Variants in LRRC4C observed in about 807,000 individuals in gnomAD.
LRRC4C encodes the protein leucine-rich repeat-containing protein 4C.
In LRRC4C, 5 loss-of-function variants were observed where a neutral mutation model predicts 33.6. The observed-to-expected ratio is 0.15, with a 90% CI of 0.08 to 0.31. LRRC4C has a LOEUF of 0.31. Ranked by LOEUF, LRRC4C falls within the 10% of genes least tolerant of loss-of-function variation. The pLI is 1.00. For missense variants in LRRC4C, 560 were observed against 796.7 expected (o/e 0.70, Z 3.58); for synonymous variants, 329 against 302.0 (o/e 1.09, Z -0.93).
At chr11:40,428,712 C>T (rs1372315010) in intron 3 of LRRC4C, among the ~76,000 whole-genome samples, 1 of 152,212 alleles carries the variant, frequency 6.6e-6, no homozygotes, top group African/African-American at 2.4e-5. Flanking sequence ...GCATTCCTCA[C>T]TCTTAGCTCA....
At chr11:40,609,486 C>G (rs542142735) in intron 3 of LRRC4C, among the ~76,000 whole-genome samples, 1 of 151,730 alleles carries the variant, frequency 6.6e-6, no homozygotes, top group African/African-American at 2.4e-5. Context: ...AATTTTGTAC[C>G]TCAACACACT....
chr11:40,544,104 T>A (rs992344727), intron 3 of LRRC4C, among the ~76,000 whole-genome samples: 1 of 152,060 alleles, frequency 6.6e-6, no homozygotes, highest in East Asian at 1.9e-4. Flanking sequence ...AAATAGATTT[T>A]AAAAACATCT....
chr11:41,308,530 A>G (rs985935497), intron 1 of LRRC4C, among the ~76,000 whole-genome samples: 20 of 152,110 alleles, frequency 1.3e-4, no homozygotes, highest in Admixed American at 1.1e-3. Flanking sequence ...ACAGTCAACA[A>G]AACAAAGCAC....
chr11:41,309,767 G>A (rs1490634633), intron 1 of LRRC4C, among the ~76,000 whole-genome samples: 1 of 152,202 alleles, frequency 6.6e-6, no homozygotes, highest in Non-Finnish European at 1.5e-5. Flanking sequence ...ACTTTTAGCA[G>A]ATGAATGCAC....
chr11:40,564,190 T>A (rs78917056), intron 3 of LRRC4C, among the ~76,000 whole-genome samples: 1 of 152,148 alleles, frequency 6.6e-6, no homozygotes, highest in Non-Finnish European at 1.5e-5. Flanking sequence ...TAAAAGACCA[T>A]AGGGAATGGG....
At chr11:41,262,614 T>C (rs1028904970) in intron 1 of LRRC4C, among the ~76,000 whole-genome samples, 4 of 152,110 alleles carry the variant, frequency 2.6e-5, no homozygotes, top group Non-Finnish European at 4.4e-5. Flanking sequence ...CAAGAAAACA[T>C]CTACTCTGTG....
At chr11:41,265,315 G>C (rs534737536) in intron 1 of LRRC4C, among the ~76,000 whole-genome samples, 1 of 152,204 alleles carries the variant, frequency 6.6e-6, no homozygotes, top group South Asian at 2.1e-4. Flanking sequence ...GTACGTTAGA[G>C]TAAACCAAGA....
chr11:40,990,342 C>G (rs1853447697), intron 1 of LRRC4C, among the ~76,000 whole-genome samples: 1 of 142,896 alleles, frequency 7.0e-6, no homozygotes, highest in Non-Finnish European at 1.5e-5. Flanking sequence ...TAACATTTTG[C>G]TTTAAATAGT....
At chr11:40,200,856 C>T (rs200244391) in intron 5 of LRRC4C, among the ~76,000 whole-genome samples, 1 of 149,200 alleles carries the variant, frequency 6.7e-6, no homozygotes, top group East Asian at 2.0e-4. Flanking sequence ...CCTGAATCAA[C>T]ACCACAGAAT....
Position 41,113,310 on chromosome 11 carries a change from T to C in LRRC4C, c.-495-179587A>G, listed in dbSNP as rs1941947232. The stretch of plus-strand genomic sequence containing the variant: ...CCCCTAATAAATATGAATAAGATGA[T>C]TTTACTTCTTTATTTTTCTCCTGCT... On this transcript the variant is annotated intron_variant, in intron 1 of 6. Transcript: ENST00000528697. Among the ~76,000 whole-genome samples the C allele has an allele frequency of 3.3e-5, 5 of 151,970 alleles. No individual in the cohort carries two copies. In the South Asian group the frequency reaches 1.0e-3, roughly 31 times the overall value.
At chr11:40,369,563 C>G (rs999842069) in intron 3 of LRRC4C, among the ~76,000 whole-genome samples, 1 of 152,182 alleles carries the variant, frequency 6.6e-6, no homozygotes, top group Non-Finnish European at 1.5e-5. Context: ...GTCTCGAACT[C>G]CTGACCTCAG....
intron 1 of LRRC4C, among the ~76,000 whole-genome samples, chr11:41,454,861 T>A (rs981378465): frequency 1.3e-5 from 2 of 152,164 alleles, no homozygotes; most frequent in African/African-American, 4.8e-5. Flanking sequence ...GTCTTCCTAT[T>A]CTTAAACTAG....
intron 3 of LRRC4C, among the ~76,000 whole-genome samples, chr11:40,407,675 C>T (rs1950009724): frequency 6.6e-6 from 1 of 152,046 alleles, no homozygotes; most frequent in African/African-American, 2.4e-5. Context: ...AAACCAAAAA[C>T]AGAAACACAA....
At chr11:40,508,765 T>A (rs552452389) in intron 3 of LRRC4C, among the ~76,000 whole-genome samples, 50 of 152,306 alleles carry the variant, frequency 3.3e-4, no homozygotes, top group African/African-American at 1.2e-3. Context: ...GCTGGGATAT[T>A]ATATGAAATA....
intron 2 of LRRC4C, among the ~76,000 whole-genome samples, chr11:40,911,669 A>T (rs985485355): frequency 3.3e-5 from 5 of 152,242 alleles, no homozygotes; most frequent in Admixed American, 3.3e-4. Flanking sequence ...GCGGCTCCTC[A>T]CCAGCAATGG....
chr11:41,118,079 A>G (rs1182212597), intron 1 of LRRC4C, among the ~76,000 whole-genome samples: 1 of 152,172 alleles, frequency 6.6e-6, no homozygotes, highest in African/African-American at 2.4e-5. Context: ...CAATGTATAC[A>G]TTACAAATGC....
chr11:40,743,297 C>T (rs1371244511), intron 2 of LRRC4C, among the ~76,000 whole-genome samples: 1 of 152,018 alleles, frequency 6.6e-6, no homozygotes, highest in South Asian at 2.1e-4. Context: ...AACAATTTCT[C>T]TTATGCTCCC....
intron 1 of LRRC4C, among the ~76,000 whole-genome samples, chr11:41,418,532 C>G (rs1954767801): frequency 6.6e-6 from 1 of 151,926 alleles, no homozygotes; most frequent in Non-Finnish European, 1.5e-5. Context: ...TGTAAAAGCG[C>G]CCATGACACA....
At chr11:41,178,064 A>G (rs549882568) in intron 1 of LRRC4C, among the ~76,000 whole-genome samples, 52 of 152,134 alleles carry the variant, frequency 3.4e-4, no homozygotes, top group Non-Finnish European at 5.9e-4. Flanking sequence ...TAAAATCTCC[A>G]GTGTCTCCCA....
Sources: allele counts gnomAD v4.1 joint callset (sites outside exome capture counted in the v4.1 genomes callset), GRCh38; gene constraint gnomAD v4.1.1; transcripts MANE v1.5; gene names NCBI Gene and HGNC (gene_info 2026-07-23, HGNC 2026-07-21).